CLVS1: variants seen among roughly 807,000 people sequenced by gnomAD.
CLVS1 encodes the protein clavesin-1.
In CLVS1, 10 loss-of-function variants were observed where a neutral mutation model predicts 33.1. The ratio of observed to expected loss-of-function variants is 0.30; its 90% CI spans 0.19 to 0.51. CLVS1 has a LOEUF of 0.51. CLVS1 is among the 20% of genes least tolerant of loss of function. The pLI is 0.97. For synonymous variants in CLVS1, 163 were observed against 166.1 expected (o/e 0.98, Z 0.14); for missense variants, 343 against 433.4 (o/e 0.79, Z 1.85).
intron 2 of CLVS1, among the ~76,000 whole-genome samples, chr8:61,242,577 C>T (rs1311760375): frequency 3.3e-5 from 5 of 151,998 alleles, no homozygotes; most frequent in Non-Finnish European, 7.4e-5. Context: ...ATCACTTGAT[C>T]CCAGAAGTTC....
At chr8:61,049,565 C>CA in the CLVS1 span, among the ~76,000 whole-genome samples, 1 of 152,078 alleles carries the variant, frequency 6.6e-6, no homozygotes, top group East Asian at 1.9e-4. Context: ...CAGTTGGAAA[C>CA]AAAATGGTAG....
At chr8:61,217,632 C>T (rs1043866473) in intron 2 of CLVS1, among the ~76,000 whole-genome samples, 1 of 152,080 alleles carries the variant, frequency 6.6e-6, no homozygotes, top group Non-Finnish European at 1.5e-5. Context: ...GCACAGGCAA[C>T]AAAAGCAAAA....
chr8:61,135,862 T>C (rs995790751), intron 2 of CLVS1, among the ~76,000 whole-genome samples: 11 of 152,146 alleles, frequency 7.2e-5, no homozygotes, highest in African/African-American at 2.4e-4. Flanking sequence ...GTGACTACCA[T>C]ATGTTAAAAG....
At chr8:61,360,905 TA>T (rs1004316897) in intron 2 of CLVS1, among the ~76,000 whole-genome samples, 41 of 152,038 alleles carry the variant, frequency 2.7e-4, no homozygotes, top group African/African-American at 9.2e-4. Flanking sequence ...ATAATTTATT[TA>T]AAAAAAAGGT....
intron 3 of CLVS1, among the ~76,000 whole-genome samples, chr8:61,449,833 C>A (rs1280663219): frequency 6.6e-6 from 1 of 152,166 alleles, no homozygotes; most frequent in African/African-American, 2.4e-5. Context: ...CTTCTCTCCA[C>A]CTTTGAAGTC....
intron 2 of CLVS1, among the ~76,000 whole-genome samples, chr8:61,322,223 G>A (rs1255220606): frequency 6.6e-6 from 1 of 152,138 alleles, no homozygotes; most frequent in East Asian, 1.9e-4. Context: ...TTTTCTGTTT[G>A]CATATATTTA....
At chr8:61,207,115 C>T (rs773501205) in intron 2 of CLVS1, among the ~76,000 whole-genome samples, 4 of 152,124 alleles carry the variant, frequency 2.6e-5, no homozygotes, top group African/African-American at 7.2e-5. Flanking sequence ...AATGCCTTAG[C>T]ATCGCAAATA....
intron 3 of CLVS1, among the ~76,000 whole-genome samples, chr8:61,432,415 G>A (rs575442852): frequency 5.3e-5 from 8 of 152,266 alleles, no homozygotes; most frequent in African/African-American, 1.4e-4. Flanking sequence ...AAGGTAAAAC[G>A]AAGTCATTAG....
At chr8:61,230,665 C>G (rs1417405620) in intron 2 of CLVS1, among the ~76,000 whole-genome samples, 2 of 152,188 alleles carry the variant, frequency 1.3e-5, no homozygotes, top group African/African-American at 4.8e-5. Flanking sequence ...CTTTCCTGCT[C>G]ATCACTCAAG....
chr8:61,495,562 C>T (rs551335944), intron 5 of CLVS1, among the ~76,000 whole-genome samples: 2 of 152,160 alleles, frequency 1.3e-5, no homozygotes, highest in East Asian at 3.9e-4. Flanking sequence ...TTTCAAGATC[C>T]AAAAGGATGG....
chr8:61,197,452 G>T (rs761404493), intron 2 of CLVS1, among the ~76,000 whole-genome samples: 18 of 152,076 alleles, frequency 1.2e-4, no homozygotes, highest in Non-Finnish European at 2.4e-4. Context: ...ACTGTATACT[G>T]TAGCTCTATA....
rs148570556 is a variant in CLVS1, at chr8:61,241,295, G to A, written c.-151-58382G>A. Among the ~76,000 whole-genome samples, 495 of 152,066 alleles carry A rather than the reference G, an allele frequency of 3.3e-3. 5 individuals carry two copies. Among genetic ancestry groups the A allele is most frequent in the African/African-American group, 0.011 (474 of 41,470 alleles). Reference sequence around the variant, plus strand: ...CCAATGCTTTTTCTGCATCAATTAAGGTGATTATTTGATGTTTTTAATTCA... The same window carrying A: ...CCAATGCTTTTTCTGCATCAATTAAAGTGATTATTTGATGTTTTTAATTCA... On this transcript the variant is annotated intron_variant, in intron 2 of 2. Transcript: ENST00000522621.
At chr8:61,413,878 T>C (rs1815328768) in intron 3 of CLVS1, among the ~76,000 whole-genome samples, 1 of 152,254 alleles carries the variant, frequency 6.6e-6, no homozygotes, top group South Asian at 2.1e-4. Context: ...CAATGGCTAA[T>C]GCACAGGTGC....
intron 3 of CLVS1, chr8:61,377,498 G>A (rs1234067659): frequency 4.6e-5 from 7 of 152,174 alleles, no homozygotes; most frequent in Admixed American, 4.6e-4. Context: ...TAAAACTTCT[G>A]TCCCTTCTTA....
intron 4 of CLVS1, among the ~76,000 whole-genome samples, chr8:61,455,385 C>A (rs1585998792): frequency 6.6e-6 from 1 of 152,260 alleles, no homozygotes; most frequent in Non-Finnish European, 1.5e-5. Flanking sequence ...CAGCTCCTGG[C>A]AACCACCCTT....
chr8:60,974,187 C>A, the CLVS1 span, among the ~76,000 whole-genome samples: 5 of 152,094 alleles, frequency 3.3e-5, no homozygotes, highest in African/African-American at 1.2e-4. Context: ...TGCTTTTTTT[C>A]AAATAGTTTT....
At chr8:61,202,952 A>G in intron 2 of CLVS1, 1 of 1,443,400 alleles carries the variant, frequency 6.9e-7, no homozygotes, top group Non-Finnish European at 9.6e-7. Context: ...CCAGCCAAAA[A>G]TGCACAAAAG....
At chr8:61,054,495 G>T (rs988823996), upstream of CLVS1, among the ~76,000 whole-genome samples, 7 of 152,164 alleles carry the variant, frequency 4.6e-5, no homozygotes, top group Non-Finnish European at 8.8e-5. Flanking sequence ...TAGGGGAAGC[G>T]GTTGCTAAAA....
chr8:61,058,643 A>T lies in CLVS1; in HGVS notation c.-243+1413A>T, dbSNP rs147789987. ...ATGCAATCATCACTACTGTCAAGAT[A>T]GTGAATATATTCATCATTTCAAACA... On this transcript the variant is annotated intron_variant, in intron 1 of 2. Transcript: ENST00000522621. 9.4e-3 allele frequency among the ~76,000 whole-genome samples: 1,435 copies of T among 152,334 alleles called. 27 individuals carry two copies. Among genetic ancestry groups the T allele is most frequent in the African/African-American group, 0.033 (1,354 of 41,582 alleles).
Sources: gnomAD v4.1 joint callset for allele counts (sites outside exome capture counted in the v4.1 genomes callset) on GRCh38, gnomAD v4.1.1 for gene constraint, MANE v1.5 for transcripts, NCBI Gene and HGNC (gene_info 2026-07-23, HGNC 2026-07-21) for gene names.